NCOA1: variants seen among roughly 807,000 people sequenced by gnomAD.
NCOA1 encodes nuclear receptor coactivator 1.
NCOA1 carries 35 observed loss-of-function variants against 150.9 expected under a neutral mutation model. The observed-to-expected ratio is 0.23, with a 90% CI of 0.18 to 0.31. NCOA1 has a LOEUF of 0.31. Among genes scored for constraint, NCOA1 ranks in the 10% least tolerant of loss-of-function variants. NCOA1 has a pLI of 1.00. For missense variants in NCOA1, 1,491 were observed against 1,749.3 expected, an observed-to-expected ratio of 0.85 and a Z score of 2.63; for synonymous variants, 590 against 630.0, an observed-to-expected ratio of 0.94 and a Z score of 0.95.
intron 3 of NCOA1, among the ~76,000 whole-genome samples, chr2:24,643,749 C>T (rs1380097137): frequency 1.3e-5 from 2 of 152,072 alleles, no homozygotes; most frequent in African/African-American, 4.8e-5. Flanking sequence ...ATTACCTAAG[C>T]AGCATTCTCA....
intron 2 of NCOA1, among the ~76,000 whole-genome samples, chr2:24,570,806 A>G (rs1666713214): frequency 6.6e-6 from 1 of 152,240 alleles, no homozygotes; most frequent in African/African-American, 2.4e-5. Context: ...AGTTAGCAAA[A>G]TATAGGTTAT....
chr2:24,690,786 C>G (rs1572598097), intron 8 of NCOA1, among the ~76,000 whole-genome samples: 2 of 151,288 alleles, frequency 1.3e-5, no homozygotes, highest in South Asian at 4.2e-4. Flanking sequence ...GAAATAGATA[C>G]CTTTTCAACA....
chr2:24,647,017 G>A (rs1670506815), intron 4 of NCOA1, among the ~76,000 whole-genome samples: 1 of 152,064 alleles, frequency 6.6e-6, no homozygotes, highest in Non-Finnish European at 1.5e-5. Context: ...ATGATAGAAG[G>A]TAAGTCACGA....
chr2:24,762,081 CA>C (rs2148699298), intron 21 of NCOA1, among the ~76,000 whole-genome samples: 1 of 152,366 alleles, frequency 6.6e-6, no homozygotes, highest in African/African-American at 2.4e-5. Context: ...CCCCTTAACT[CA>C]GGGAGCCTGC....
chr2:24,730,065 C>T (rs543968345), intron 17 of NCOA1, among the ~76,000 whole-genome samples: 14 of 152,192 alleles, frequency 9.2e-5, no homozygotes, highest in Admixed American at 4.6e-4. Context: ...AGGATGGTCT[C>T]GATCTGTTGA....
chr2:24,711,031 T>A lies in NCOA1; in HGVS notation c.2519T>A (p.Val840Asp). 2 of 1,614,194 alleles carry A rather than the reference T, an allele frequency of 1.2e-6. No homozygotes were observed. The highest frequency in any genetic ancestry group is 2.2e-5 in the South Asian group (2 of 91,078). Reference protein sequence around the residue: ...LCETDRMDGAVTSVTIKSEIL... With the variant: ...LCETDRMDGADTSVTIKSEIL... Reference sequence around the variant, plus strand: ...GAGACAGACAGGATGGATGGTGCGGTCACCAGTGTAACCATCAAATCGGAG... The same window carrying A: ...GAGACAGACAGGATGGATGGTGCGGACACCAGTGTAACCATCAAATCGGAG... Residue 840 changes from valine to aspartate, a missense_variant, in exon 14 of 23, where the codon GTC becomes GAC. Coordinates refer to ENST00000348332, the MANE Select transcript of NCOA1 (RefSeq NM_003743.5).
At chr2:24,582,721 A>C (rs1310863707) in intron 2 of NCOA1, among the ~76,000 whole-genome samples, 1 of 152,238 alleles carries the variant, frequency 6.6e-6, no homozygotes, top group Non-Finnish European at 1.5e-5. Context: ...GCAAAGCAGT[A>C]GTAACCCAAA....
intron 1 of NCOA1, among the ~76,000 whole-genome samples, chr2:24,502,706 C>G (rs935425207): frequency 2.3e-4 from 35 of 152,142 alleles, no homozygotes; most frequent in Admixed American, 2.0e-3. Flanking sequence ...CTAAACATCT[C>G]TTGAGCTTTT....
At chr2:24,726,905 G>A (rs1674655479) in intron 15 of NCOA1, among the ~76,000 whole-genome samples, 199 bp downstream of exon 15, 1 of 151,484 alleles carries the variant, frequency 6.6e-6, no homozygotes, top group South Asian at 2.1e-4. Context: ...GGGAGGCGGA[G>A]GCAGGTGGAT....
Position 24,707,750 on chromosome 2 carries a change from A to G in NCOA1, c.2280A>G (p.Leu760=). 1 of 1,614,198 alleles carries G rather than the reference A, an allele frequency of 6.2e-7. No homozygotes were observed. Among genetic ancestry groups the G allele is most frequent in the African/African-American group, 1.3e-5 (1 of 75,060 alleles). The part of the protein sequence containing the change: ...RYLLDKDEKD[L]RSTPNLSLDD... ...TTTTAGATAAAGATGAGAAAGATTT[A>G]AGATCAACTCCAAACCTGAGCCTGG... The change falls in exon 13 of 23, where the codon TTA becomes TTG. Residue 760 remains leucine, a synonymous_variant. Transcript: ENST00000348332.
intron 9 of NCOA1, among the ~76,000 whole-genome samples, chr2:24,692,124 G>A (rs1237829320): frequency 6.6e-6 from 1 of 152,184 alleles, no homozygotes; most frequent in Non-Finnish European, 1.5e-5. Context: ...ACATGCTGAA[G>A]CTCTAATATG....
At position 24,768,854 on chromosome 2, in the gene NCOA1, T is replaced by C. The variant is rs998428909; in HGVS notation, c.*463T>C. 3.6e-5 allele frequency: 8 copies of C among 223,916 alleles called. No individual in the cohort carries two copies. Among genetic ancestry groups the C allele is most frequent in the Non-Finnish European group, 7.1e-5 (8 of 112,024 alleles). 13.9% of individuals were successfully genotyped at this position (223,916 alleles called of 1,614,324 possible). A position where few individuals can be genotyped will look rare whatever the true frequency, so the allele number is the denominator to read the frequency against. On this transcript the variant is annotated 3_prime_UTR_variant, in exon 23 of 23. Coordinates refer to ENST00000348332, the MANE Select transcript of NCOA1 (RefSeq NM_003743.5). ...CCAAAGGCTGTCATGTGTCTCGAAA[T>C]CAGCAGCCCTCCCCATCCCAATCCC...
intron 3 of NCOA1, among the ~76,000 whole-genome samples, chr2:24,626,350 C>T (rs530573028): frequency 2.0e-5 from 3 of 152,100 alleles, no homozygotes; most frequent in South Asian, 4.1e-4. Flanking sequence ...AGGAGTTAGA[C>T]GTGCTGCTAA....
chr2:24,739,595 G>A, intron 18 of NCOA1, 62 bp downstream of exon 18: 1 of 1,215,138 alleles, frequency 8.2e-7, no homozygotes, highest in Non-Finnish European at 1.2e-6. Flanking sequence ...TTCTTAAAGT[G>A]TTGACTTGAG....
chr2:24,765,953 T>C (rs2148706880), intron 22 of NCOA1, among the ~76,000 whole-genome samples: 1 of 149,954 alleles, frequency 6.7e-6, no homozygotes, highest in South Asian at 2.2e-4. Flanking sequence ...CACGCTGGAA[T>C]GCAGTGGTGC....
chr2:24,753,915 A>C (rs1013354467), intron 20 of NCOA1, among the ~76,000 whole-genome samples: 1 of 152,222 alleles, frequency 6.6e-6, no homozygotes, highest in Non-Finnish European at 1.5e-5. Context: ...TTATAAGTCT[A>C]ATAGGCATCT....
chr2:24,751,785 T>C (rs1266719965), intron 19 of NCOA1, among the ~76,000 whole-genome samples, 197 bp from the exon 20 acceptor site: 1 of 152,182 alleles, frequency 6.6e-6, no homozygotes, highest in Non-Finnish European at 1.5e-5. Flanking sequence ...CTGAGATTTC[T>C]TGCCCTAGTT....
At chr2:24,605,286 C>T (rs944408571) in intron 3 of NCOA1, among the ~76,000 whole-genome samples, 4 of 152,110 alleles carry the variant, frequency 2.6e-5, no homozygotes, top group African/African-American at 9.7e-5. Context: ...TTGCCACAAA[C>T]CTTCAATTTG....
chr2:24,581,757 A>C (rs769947703), intron 2 of NCOA1, among the ~76,000 whole-genome samples: 4 of 152,204 alleles, frequency 2.6e-5, no homozygotes, highest in Non-Finnish European at 4.4e-5. Context: ...CATCAAAAAG[A>C]TCACACACCA....
Sources: allele counts gnomAD v4.1 joint callset (sites outside exome capture counted in the v4.1 genomes callset), GRCh38; gene constraint gnomAD v4.1.1; transcripts MANE v1.5; gene names NCBI Gene and HGNC (gene_info 2026-07-23, HGNC 2026-07-21).